Variants in THOC5 observed in about 807,000 individuals in gnomAD.
THOC5 encodes THO complex subunit 5, also known as Fms-interacting protein.
THOC5 carries 43 observed loss-of-function variants against 92.9 expected under a neutral mutation model. The observed-to-expected ratio is 0.46, with a 90% CI of 0.36 to 0.60. The LOEUF (loss-of-function observed/expected upper bound fraction) is 0.60, where lower values mean the gene tolerates loss of function less well. Ranked by LOEUF, THOC5 falls within the 20% of genes least tolerant of loss-of-function variation. The probability of loss-of-function intolerance (pLI) is 0.00; values close to 1 mark genes in which losing one functional copy is unlikely to be tolerated. For synonymous variants in THOC5, 296 were observed against 320.1 expected, an observed-to-expected ratio of 0.92 and a Z score of 0.80; for missense variants, 659 against 849.4, an observed-to-expected ratio of 0.78 and a Z score of 2.79.
Position 29,542,971 on chromosome 22 carries a change from C to T in THOC5, c.355-15G>A. ...TTCTGCTTAGCCTGAAAGGAAAATA[C>T]GATCAGAAGTGAGCAGGGCAAGTCA... On this transcript the variant is annotated splice_polypyrimidine_tract_variant and intron_variant, in intron 4 of 19. Coordinates refer to ENST00000490103, the MANE Select transcript of THOC5 (RefSeq NM_003678.5). 3.8e-6 allele frequency: 6 copies of T among 1,596,750 alleles called. No individual in the cohort carries two copies. The highest frequency in any genetic ancestry group is 5.1e-6 in the Non-Finnish European group (6 of 1,167,240).
At chr22:29,538,046 A>C (rs1053145698) in intron 6 of THOC5, among the ~76,000 whole-genome samples, 1 of 152,118 alleles carries the variant, frequency 6.6e-6, no homozygotes, top group South Asian at 2.1e-4. Flanking sequence ...GCAGTGGCGC[A>C]ATCTCGGCTC....
chr22:29,524,306 G>A (rs1266444321), intron 12 of THOC5, among the ~76,000 whole-genome samples: 1 of 152,196 alleles, frequency 6.6e-6, no homozygotes, highest in East Asian at 1.9e-4. Context: ...AAGAGTCAAT[G>A]ATTATAAATC....
chr22:29,546,211 G>A (rs1311954028), intron 2 of THOC5, among the ~76,000 whole-genome samples: 1 of 152,160 alleles, frequency 6.6e-6, no homozygotes, highest in Non-Finnish European at 1.5e-5. Flanking sequence ...ATAGCACAGG[G>A]ACCCTGGGCC....
rs751505477 is a variant in THOC5 at position 29,517,282 on chromosome 22, A to G, written c.1574T>C (p.Val525Ala). 4 of 1,614,186 alleles carry G rather than the reference A, an allele frequency of 2.5e-6. No homozygotes were observed. The highest frequency in any genetic ancestry group is 2.7e-5 in the African/African-American group (2 of 75,056). ...VVSRLVKWVT[V>A]AHEDYMELHF... ...ACCTACCATGTAATCCTCATGGGCA[A>G]CTGTCACCCATTTCACCAGGCGAGA... Residue 525 changes from valine to alanine, a missense_variant, in exon 16 of 20, where the codon GTT becomes GCT. Coordinates refer to ENST00000490103, the MANE Select transcript of THOC5 (RefSeq NM_003678.5).
chr22:29,549,097 A>C lies in THOC5; in HGVS notation c.51T>G (p.Asp17Glu). ...TCCGCTTTCCTTCAGCTGGGGCTCC[A>C]TCGCTTCGGATCACTTTGGGCTTCC... ...KKRKPKVIRS[D>E]GAPAEGKRNR... Residue 17 changes from aspartate to glutamate, a missense_variant, in exon 2 of 20, where the codon GAT (aspartate) becomes GAG (glutamate). Transcript: ENST00000490103. 1 of 1,614,174 alleles carries C rather than the reference A, an allele frequency of 6.2e-7. No homozygotes were observed. Among genetic ancestry groups the C allele is most frequent in the Non-Finnish European group, 8.5e-7 (1 of 1,180,034 alleles).
chr22:29,546,460 G>A (rs544458381), intron 2 of THOC5, among the ~76,000 whole-genome samples: 31 of 151,866 alleles, frequency 2.0e-4, no homozygotes, highest in Admixed American at 7.2e-4. Context: ...ACAGAGTCTC[G>A]GTCTTGTCGC....
intron 8 of THOC5, chr22:29,530,954 T>C (rs1158565539): frequency 1.3e-6 from 1 of 775,652 alleles, no homozygotes; most frequent in Non-Finnish European, 1.6e-6. Context: ...AAGCAACTAG[T>C]TGCTCCCATC....
chr22:29,527,591 C>A (rs556605509), intron 11 of THOC5, among the ~76,000 whole-genome samples: 5 of 152,218 alleles, frequency 3.3e-5, no homozygotes, highest in African/African-American at 1.2e-4. Context: ...ATAATGGTTG[C>A]CCTTGGAGGT....
chr22:29,528,572 A>G (rs1225859463), intron 9 of THOC5, 106 bp from the exon 10 acceptor site: 2 of 1,090,854 alleles, frequency 1.8e-6, no homozygotes, highest in South Asian at 1.3e-5. Flanking sequence ...TCTTTTGTAA[A>G]TAAGTTTCTC....
chr22:29,539,133 C>G (rs1044182177), intron 6 of THOC5, among the ~76,000 whole-genome samples, 197 bp downstream of exon 6: 2 of 149,526 alleles, frequency 1.3e-5, no homozygotes, highest in African/African-American at 4.9e-5. Flanking sequence ...AAAAAAAAAC[C>G]CTTAAGCAAT....
At chr22:29,537,697 C>A (rs1036813847) in intron 6 of THOC5, among the ~76,000 whole-genome samples, 8 of 152,122 alleles carry the variant, frequency 5.3e-5, no homozygotes, top group Non-Finnish European at 1.2e-4. Context: ...AGAGACCATC[C>A]TGGCCAACAT....
Position 29,511,622 on chromosome 22 carries a change from G to T in THOC5, c.1798-326C>A, listed in dbSNP as rs73881546. On this transcript the variant is annotated intron_variant, in intron 18 of 19. Coordinates refer to ENST00000490103, the MANE Select transcript of THOC5 (RefSeq NM_003678.5). ...CGTGTTCCATGGCATGTTTGACTTA[G>T]TAGCAGCAATGCTGATTAACAACTG... 6.7e-3 allele frequency among the ~76,000 whole-genome samples: 1,024 copies of T among 152,362 alleles called. 14 individuals are homozygous for T. Among genetic ancestry groups the T allele is most frequent in the African/African-American group, 0.024 (982 of 41,596 alleles).
In THOC5 at chr22:29,528,195, C is replaced by A. The variant is rs2063580985; in HGVS notation, c.967-18G>T. ...CGGCGCTTCTGGACAAAGGAAAGTGCCAAGCTGATGAGCATCAGTCATAGC... is the reference window on the plus strand; with the variant it reads ...CGGCGCTTCTGGACAAAGGAAAGTGACAAGCTGATGAGCATCAGTCATAGC... On this transcript the variant is annotated intron_variant, in intron 10 of 19. Coordinates refer to ENST00000490103, the MANE Select transcript of THOC5 (RefSeq NM_003678.5). 6.2e-7 allele frequency: 1 copy of A among 1,614,122 alleles called. No homozygotes were observed. The highest frequency in any genetic ancestry group is 8.5e-7 in the Non-Finnish European group (1 of 1,180,000).
At position 29,519,492 on chromosome 22, in the gene THOC5, C is replaced by CTACT. The variant is rs575442247; in HGVS notation, c.1375-376_1375-373dup. Among the ~76,000 whole-genome samples, 31 of 152,350 alleles carry CTACT rather than the reference C, an allele frequency of 2.0e-4. 1 individual carries two copies. The South Asian group carries it at 6.2e-3, about 30-fold the overall frequency. ...ACTCAAGTTGCCTGGGTCTAAAAGGCTACTAGGCTCAGAGAAAATGCAAAA... is the reference window on the plus strand; with the variant it reads ...ACTCAAGTTGCCTGGGTCTAAAAGGCTACTTACTAGGCTCAGAGAAAATGCAAAA... On this transcript the variant is annotated intron_variant, in intron 14 of 19. Coordinates refer to ENST00000490103, the MANE Select transcript of THOC5 (RefSeq NM_003678.5).
At chr22:29,550,656 T>TCC (rs1178602345) in intron 1 of THOC5, 2 of 152,020 alleles carry the variant, frequency 1.3e-5, no homozygotes, top group Non-Finnish European at 2.9e-5. Context: ...TGGCTATGAG[T>TCC]CCCCGGACGA....
intron 15 of THOC5, 150 bp from the exon 16 acceptor site, chr22:29,517,516 C>T (rs1432278368): frequency 6.0e-6 from 4 of 665,594 alleles, no homozygotes; most frequent in South Asian, 1.9e-5. Flanking sequence ...CAGGTCAACA[C>T]GTGCCAGGAA....
chr22:29,511,486 T>C (rs1222057847), intron 18 of THOC5, 190 bp from the exon 19 acceptor site: 2 of 585,002 alleles, frequency 3.4e-6, no homozygotes, highest in Non-Finnish European at 3.0e-6. Context: ...GAGGTCTTCC[T>C]GATTCTGACC....
intron 11 of THOC5, among the ~76,000 whole-genome samples, chr22:29,526,782 A>G (rs1275636964): frequency 6.6e-6 from 1 of 152,154 alleles, no homozygotes. Context: ...CGACGACCTC[A>G]TCTATGCTAT....
chr22:29,547,308 C>G (rs936409778), intron 2 of THOC5, among the ~76,000 whole-genome samples: 3 of 152,132 alleles, frequency 2.0e-5, no homozygotes, highest in Admixed American at 2.0e-4. Context: ...CCAATAAGTT[C>G]CTCATCTCCA....
Sources: gnomAD v4.1 joint callset for allele counts (sites outside exome capture counted in the v4.1 genomes callset) on GRCh38, gnomAD v4.1.1 for gene constraint, MANE v1.5 for transcripts, NCBI Gene and HGNC (gene_info 2026-07-23, HGNC 2026-07-21) for gene names.